The following GGTA1 variants were observed in gnomAD, a reference collection of about 807,000 sequenced individuals.
GGTA1 encodes the protein inactive N-acetyllactosaminide alpha-1,3-galactosyltransferase.
GGTA1 carries 5 observed loss-of-function variants against 2.6 expected under a neutral mutation model. The ratio of observed to expected loss-of-function variants is 1.92; its 90% CI spans 1.00 to 4.04. The LOEUF is 4.04. Among genes scored for constraint, GGTA1 ranks in the 30% most tolerant of loss-of-function variants. The probability of loss-of-function intolerance (pLI) is 0.00; values close to 1 mark genes in which losing one functional copy is unlikely to be tolerated. For missense variants in GGTA1, 50 were observed against 16.7 expected, an observed-to-expected ratio of 2.99 and a Z score of -3.47; for synonymous variants, 17 against 5.0, an observed-to-expected ratio of 3.38 and a Z score of -3.19.
At chr9:121,493,485 A>G (rs1170894319) in intron 1 of GGTA1, among the ~76,000 whole-genome samples, 1 of 152,148 alleles carries the variant, frequency 6.6e-6, no homozygotes, top group Non-Finnish European at 1.5e-5. Context: ...TGTTCTGCCA[A>G]CTTCAGGGCT....
chr9:121,454,735 G>A (rs10818539), downstream of GGTA1, among the ~76,000 whole-genome samples: 9,257 of 152,154 alleles, frequency 0.061, 316 homozygotes, highest in East Asian at 0.11. Context: ...AAAATAAGCC[G>A]GGCGCGGTGG....
downstream of GGTA1, among the ~76,000 whole-genome samples, chr9:121,454,860 C>A (rs183080538): frequency 1.6e-3 from 248 of 152,078 alleles, 2 homozygotes; most frequent in African/African-American, 5.5e-3. Context: ...TAAAAAAATA[C>A]AAAATTAGCC....
At chr9:121,485,711 G>A (rs1262641539) in intron 1 of GGTA1, among the ~76,000 whole-genome samples, 1 of 152,174 alleles carries the variant, frequency 6.6e-6, no homozygotes, top group African/African-American at 2.4e-5. Context: ...ACCTTTGGTG[G>A]ATGTCTGTAT....
rs556391546 is a variant in GGTA1, at chr9:121,457,710, A to AC, written c.299-1870_299-1869insG. Among the ~76,000 whole-genome samples the AC allele has an allele frequency of 2.9e-3, 439 of 150,318 alleles. 2 individuals are homozygous for AC. The highest frequency in any genetic ancestry group is 5.5e-3 in the Non-Finnish European group (373 of 67,478). ...AGCGAGAATCCATCTTAAAAAAAAA[A>AC]AAAAAACAGTATATAAAGAACAGAG... On this transcript the variant is annotated intron_variant, in intron 5 of 5. Transcript: ENST00000481799.
chr9:121,498,603 C>A (rs981236703), intron 1 of GGTA1, among the ~76,000 whole-genome samples: 1 of 152,186 alleles, frequency 6.6e-6, no homozygotes, highest in African/African-American at 2.4e-5. Context: ...TGGCAGCAAG[C>A]GGCAGGCCAG....
At chr9:121,450,418 A>G (rs549960377), downstream of GGTA1, among the ~76,000 whole-genome samples, 1 of 152,284 alleles carries the variant, frequency 6.6e-6, no homozygotes, top group Non-Finnish European at 1.5e-5. Context: ...GGCTCCATGC[A>G]TTGTTGCTTG....
chr9:121,452,207 A>G (rs2064881494), downstream of GGTA1: 1 of 152,612 alleles, frequency 6.6e-6, no homozygotes, highest in African/African-American at 2.4e-5. Flanking sequence ...ATTTCCTAGG[A>G]TGGCTTTGTT....
chr9:121,456,930 C>T (rs2064916383), intron 5 of GGTA1, among the ~76,000 whole-genome samples: 1 of 152,188 alleles, frequency 6.6e-6, no homozygotes, highest in Non-Finnish European at 1.5e-5. Flanking sequence ...CCTCAGCCTC[C>T]CAAAGTGCTG....
chr9:121,488,049 C>A (rs1252297118), intron 1 of GGTA1, among the ~76,000 whole-genome samples: 2 of 152,032 alleles, frequency 1.3e-5, no homozygotes, highest in Non-Finnish European at 2.9e-5. Flanking sequence ...CTGAAGGGAA[C>A]CTAATTTTAC....
chr9:121,469,191 G>T (rs1828326678), intron 1 of GGTA1, among the ~76,000 whole-genome samples: 1 of 152,182 alleles, frequency 6.6e-6, no homozygotes, highest in Admixed American at 6.5e-5. Context: ...ATCAGGGAAG[G>T]CTCACTGTGT....
intron 3 of GGTA1, among the ~76,000 whole-genome samples, chr9:121,461,765 A>T (rs2064962194): frequency 6.6e-6 from 1 of 152,278 alleles, no homozygotes. Context: ...TAGCATACAT[A>T]TAAGAGCTTT....
intron 1 of GGTA1, among the ~76,000 whole-genome samples, chr9:121,493,116 G>A (rs1438327776): frequency 3.3e-5 from 5 of 151,042 alleles, no homozygotes; most frequent in African/African-American, 4.9e-5. Context: ...CCTGGGTGAC[G>A]GAACGAGACT....
chr9:121,451,174 T>G (rs2064876396), downstream of GGTA1, among the ~76,000 whole-genome samples: 1 of 152,196 alleles, frequency 6.6e-6, no homozygotes, highest in Non-Finnish European at 1.5e-5. Context: ...TAACTAACAT[T>G]AGAGCTAGAA....
chr9:121,471,750 A>G (rs1187115562), intron 1 of GGTA1, among the ~76,000 whole-genome samples: 14 of 152,184 alleles, frequency 9.2e-5, no homozygotes, highest in Admixed American at 2.6e-4. Context: ...TAAGTACCAT[A>G]TGAGCCAGCA....
At chr9:121,497,792 C>T (rs1829024347) in intron 1 of GGTA1, among the ~76,000 whole-genome samples, 3 of 152,152 alleles carry the variant, frequency 2.0e-5, no homozygotes, top group African/African-American at 7.2e-5. Flanking sequence ...TCTGGAAGTG[C>T]TCAGAGGATG....
chr9:121,456,846 T>A (rs2064915607), intron 5 of GGTA1, among the ~76,000 whole-genome samples: 1 of 152,172 alleles, frequency 6.6e-6, no homozygotes, highest in African/African-American at 2.4e-5. Context: ...TAATTTTTTA[T>A]TTTTTTGAAG....
At chr9:121,451,748 G>T (rs982639992), downstream of GGTA1, among the ~76,000 whole-genome samples, 2 of 152,174 alleles carry the variant, frequency 1.3e-5, no homozygotes, top group East Asian at 3.8e-4. Context: ...CTCTGTAGTT[G>T]GTCCTGGGCC....
At chr9:121,472,880 T>A (rs1828420984) in intron 1 of GGTA1, among the ~76,000 whole-genome samples, 1 of 150,946 alleles carries the variant, frequency 6.6e-6, no homozygotes, top group Non-Finnish European at 1.5e-5. Flanking sequence ...TACCTCCAAA[T>A]CCCCGCTCCA....
intron 1 of GGTA1, among the ~76,000 whole-genome samples, chr9:121,493,090 C>T (rs990344484): frequency 2.0e-5 from 3 of 151,644 alleles, no homozygotes; most frequent in Non-Finnish European, 4.4e-5. Flanking sequence ...GCCAAAATCA[C>T]GCCACTTCAC....
Sources: gnomAD v4.1 joint callset for allele counts (sites outside exome capture counted in the v4.1 genomes callset) on GRCh38, gnomAD v4.1.1 for gene constraint, MANE v1.5 for transcripts, NCBI Gene and HGNC (gene_info 2026-07-23, HGNC 2026-07-21) for gene names.